Variants in SLC6A7 observed in about 807,000 individuals in gnomAD.
SLC6A7 encodes the protein solute carrier family 6 member 7.
A neutral mutation model predicts 73.1 loss-of-function variants in SLC6A7; 58 were observed. That is an observed-to-expected ratio of 0.79 (90% CI 0.64 to 0.99). SLC6A7 has a LOEUF of 0.99. Ranked by LOEUF, SLC6A7 falls within the 50% of genes least tolerant of loss-of-function variation. The pLI is 0.00. For missense variants in SLC6A7, 783 were observed against 831.4 expected (o/e 0.94, Z 0.72); for synonymous variants, 338 against 338.7 (o/e 1.00, Z 0.02).
chr5:150,204,486 G>A, intron 10 of SLC6A7, 46 bp from the exon 11 acceptor site: 1 of 1,435,552 alleles, frequency 7.0e-7, no homozygotes, highest in Non-Finnish European at 9.8e-7. Context: ...CTGTAGCAGA[G>A]AACGAGGCCC....
At chr5:150,198,310 T>TC (rs147944651) in intron 4 of SLC6A7, among the ~76,000 whole-genome samples, 6,396 of 152,288 alleles carry the variant, frequency 0.042, 425 homozygotes, top group African/African-American at 0.14. Flanking sequence ...CCCCATCCCT[T>TC]ACCTATAAAG....
chr5:150,201,219 C>G lies in SLC6A7; in HGVS notation c.854C>G (p.Ser285Cys), dbSNP rs377225501. 5.0e-6 allele frequency: 8 copies of G among 1,607,772 alleles called. No homozygotes were observed. Among genetic ancestry groups the G allele is most frequent in the Non-Finnish European group, 6.8e-6 (8 of 1,176,966 alleles). ...CCCCAGTTCCACCACTTGTTGTCTT[C>G]CAAGGTGAGCCCCTCAGGGCGGGGT... ...LTPQFHHLLSSKVWIEAALQI... is the reference protein window; with the variant it reads ...LTPQFHHLLSCKVWIEAALQI... The change falls in exon 6 of 14, where the codon TCC becomes TGC. Residue 285 changes from serine to cysteine, a missense_variant. Transcript: ENST00000230671.
intron 1 of SLC6A7, 80 bp from the exon 2 acceptor site, chr5:150,194,648 T>C: frequency 9.8e-7 from 1 of 1,025,392 alleles, no homozygotes. Context: ...CCTGTTCAAT[T>C]CCAGAGTCTT....
chr5:150,209,550 A>G lies in SLC6A7; in HGVS notation c.1846A>G (p.Ser616Gly). Reference protein sequence around the residue: ...VHMRKYGGITSFENTAIEVDR... With the variant: ...VHMRKYGGITGFENTAIEVDR... ...CATGCGCAAGTACGGGGGCATCACC[A>G]GCTTCGAGAACACGGCCATCGAGGT... Residue 616 changes from serine to glycine, a missense_variant, in exon 14 of 14, where the codon AGC (serine) becomes GGC (glycine). Transcript: ENST00000230671. The G allele has an allele frequency of 6.2e-7, 1 of 1,614,134 alleles. No individual in the cohort carries two copies. Among genetic ancestry groups the G allele is most frequent in the Non-Finnish European group, 8.5e-7 (1 of 1,180,000 alleles).
At position 150,205,452 on chromosome 5, in the gene SLC6A7, G is replaced by T. The variant is rs1313184747; in HGVS notation, c.1534-4G>T. 1.9e-6 allele frequency: 3 copies of T among 1,586,748 alleles called. No individual in the cohort carries two copies. The highest frequency in any genetic ancestry group is 2.6e-6 in the Non-Finnish European group (3 of 1,165,152). On this transcript the variant is annotated splice_polypyrimidine_tract_variant and splice_region_variant and intron_variant, in intron 12 of 13. Transcript: ENST00000230671. ...CAGTGATGCTGGGAGTCCCCACTCTGCAGGCCCTCATGGTGTATAGCATCG... is the reference window on the plus strand; with the variant it reads ...CAGTGATGCTGGGAGTCCCCACTCTTCAGGCCCTCATGGTGTATAGCATCG...
At position 150,204,820 on chromosome 5, in the gene SLC6A7, T is replaced by G. The variant is rs1337613146; in HGVS notation, c.1433-7T>G. ...TGGGGCCATTCCTCCTCCCCTCCCC[T>G]GTGCAGGCATTCAGAGGTTCTGCCG... is the stretch of plus-strand genomic sequence containing the variant. On this transcript the variant is annotated splice_polypyrimidine_tract_variant and splice_region_variant and intron_variant, in intron 11 of 13. Coordinates refer to ENST00000230671, the MANE Select transcript of SLC6A7 (RefSeq NM_014228.5). The G allele has an allele frequency of 3.1e-6, 5 of 1,602,258 alleles. No individual in the cohort carries two copies. The highest frequency in any genetic ancestry group is 4.3e-6 in the Non-Finnish European group (5 of 1,169,628).
Position 150,204,613 on chromosome 5 carries a change from GC to G in SLC6A7, c.1416del (p.Val473Ter). On this transcript the variant is annotated frameshift_variant, in exon 11 of 14. Coordinates refer to ENST00000230671, the MANE Select transcript of SLC6A7 (RefSeq NM_014228.5). LOFTEE classifies it high-confidence loss of function. ...GGTGGTGGTTATCACCACGTGCCTT[GC>G]CGTGACACGGGTGTATGGTGAGAAG... ...LMVVVITTCL[A>X]VTRVYGIQRF... 3.7e-6 allele frequency: 6 copies of G among 1,612,778 alleles called. No homozygotes were observed. The highest frequency in any genetic ancestry group is 5.1e-6 in the Non-Finnish European group (6 of 1,178,708).
chr5:150,197,769 T>C (rs1446653548), intron 4 of SLC6A7, among the ~76,000 whole-genome samples: 4 of 152,198 alleles, frequency 2.6e-5, no homozygotes, highest in Non-Finnish European at 5.9e-5. Flanking sequence ...GAGCAACTGC[T>C]ATATCATAGG....
chr5:150,210,065 A>C lies in SLC6A7; in HGVS notation c.*450A>C. ...CCCCACACACCTTAGCACAACCAGA[A>C]TCTTGAGTTGGGCAGGGAAGGTCAG... On this transcript the variant is annotated 3_prime_UTR_variant, in exon 14 of 14. Transcript: ENST00000230671. The C allele has an allele frequency of 5.4e-6, 1 of 185,914 alleles. No homozygotes were observed. Among genetic ancestry groups the C allele is most frequent in the Non-Finnish European group, 1.1e-5 (1 of 87,182 alleles). 11.5% of individuals were successfully genotyped at this position (185,914 alleles called of 1,614,324 possible).
In SLC6A7 at chr5:150,209,879, T is replaced by A; in HGVS notation, c.*264T>A. The A allele has an allele frequency of 2.0e-6, 1 of 506,582 alleles. No homozygotes were observed. Among genetic ancestry groups the A allele is most frequent in the Non-Finnish European group, 3.6e-6 (1 of 278,274 alleles). The allele number at this position is 506,582 out of a possible 1,614,324, so 31.4% of individuals were successfully genotyped here. Reference sequence around the variant, plus strand: ...CTCAGCCCTACTTTGCGGATGGACATATTAAGGCCAGGAGGGGAGGGACTT... The same window carrying A: ...CTCAGCCCTACTTTGCGGATGGACAAATTAAGGCCAGGAGGGGAGGGACTT... On this transcript the variant is annotated 3_prime_UTR_variant, in exon 14 of 14. Coordinates refer to ENST00000230671, the MANE Select transcript of SLC6A7 (RefSeq NM_014228.5).
At chr5:150,191,166 C>G (rs567211073) in intron 1 of SLC6A7, among the ~76,000 whole-genome samples, 1 of 152,318 alleles carries the variant, frequency 6.6e-6, no homozygotes, top group East Asian at 1.9e-4. Flanking sequence ...TGACTTTGGA[C>G]AAGTTCATTC....
intron 13 of SLC6A7, 42 bp from the exon 14 acceptor site, chr5:150,209,364 T>G (rs1183138338): frequency 1.3e-6 from 2 of 1,543,038 alleles, no homozygotes; most frequent in South Asian, 2.2e-5. Flanking sequence ...CCACCAGCGC[T>G]GCCTGTTTCC....
chr5:150,194,937 G>T (rs770756826), intron 2 of SLC6A7, 26 bp downstream of exon 2: 2 of 1,599,658 alleles, frequency 1.3e-6, no homozygotes, highest in Admixed American at 3.3e-5. Context: ...CCTGTCGGAG[G>T]GTGTCTGGGG....
intron 13 of SLC6A7, among the ~76,000 whole-genome samples, chr5:150,207,265 T>C (rs940444319): frequency 2.0e-5 from 3 of 152,168 alleles, no homozygotes; most frequent in African/African-American, 7.2e-5. Context: ...CTTTTTTTGT[T>C]TGTGTTTTGA....
rs1351075480 is a variant in SLC6A7, at chr5:150,194,871, T to C, written c.177T>C (p.Asn59=). 6.2e-7 allele frequency: 1 copy of C among 1,614,088 alleles called. No homozygotes were observed. Among genetic ancestry groups the C allele is most frequent in the South Asian group, 1.1e-5 (1 of 91,078 alleles). ...SCIGYCVGLG[N]VWRFPYRAYT... The stretch of plus-strand genomic sequence containing the variant: ...TTGGCTACTGTGTAGGCCTGGGGAA[T>C]GTCTGGCGCTTCCCCTATCGAGCGT... Residue 59 remains asparagine, a synonymous_variant, in exon 2 of 14, where the codon AAT becomes AAC. Coordinates refer to ENST00000230671, the MANE Select transcript of SLC6A7 (RefSeq NM_014228.5).
At chr5:150,203,820 G>GGTGTGTGTGTGTGTGTGTGTGTGGT in intron 9 of SLC6A7, 41 bp downstream of exon 9, 1 of 801,384 alleles carries the variant, frequency 1.2e-6, no homozygotes, top group South Asian at 1.6e-5. Flanking sequence ...GTGTGTGTGT[G>GGTGTGTGTGTGTGTGTGTGTGTGGT]GTGTGTGTGT....
At chr5:150,191,526 G>C (rs9986200) in intron 1 of SLC6A7, among the ~76,000 whole-genome samples, 11,916 of 151,812 alleles carry the variant, frequency 0.078, 522 homozygotes, top group African/African-American at 0.13. Context: ...TGCCTCCCGG[G>C]TTCACGCCAT....
In SLC6A7 at chr5:150,197,260, A is replaced by G. The variant is rs1405903126; in HGVS notation, c.568A>G (p.Ser190Gly). ...CAACCTCACCTGCACCGTCAGCCCCAGCGAGGAGTACTGGAGGTCAGGCAG... is the reference window on the plus strand; with the variant it reads ...CAACCTCACCTGCACCGTCAGCCCCGGCGAGGAGTACTGGAGGTCAGGCAG... Reference protein sequence around the residue: ...PLNLTCTVSPSEEYWSRYVLH... With the variant: ...PLNLTCTVSPGEEYWSRYVLH... The change falls in exon 4 of 14, where the codon AGC (serine) becomes GGC (glycine). Residue 190 changes from serine (S) to glycine (G), a missense_variant. Coordinates refer to ENST00000230671, the MANE Select transcript of SLC6A7 (RefSeq NM_014228.5). The G allele has an allele frequency of 3.7e-6, 6 of 1,608,912 alleles. No homozygotes were observed. The highest frequency in any genetic ancestry group is 1.3e-5 in the African/African-American group (1 of 74,860).
At chr5:150,204,099 G>A (rs183735850) in intron 10 of SLC6A7, 61 bp downstream of exon 10, 27 of 1,537,600 alleles carry the variant, frequency 1.8e-5, no homozygotes, top group Admixed American at 1.1e-4. Context: ...CCTGCAACGA[G>A]ATCTCTGGCC....
Sources: allele counts gnomAD v4.1 joint callset (sites outside exome capture counted in the v4.1 genomes callset), GRCh38; gene constraint gnomAD v4.1.1; transcripts MANE v1.5; gene names NCBI Gene and HGNC (gene_info 2026-07-23, HGNC 2026-07-21).